BABAM2: variants seen among roughly 807,000 people sequenced by gnomAD.
BABAM2 encodes BRISC and BRCA1-A complex member 2.
In BABAM2, 31 loss-of-function variants were observed where a neutral mutation model predicts 54.7. That is an observed-to-expected ratio of 0.57 (90% CI 0.43 to 0.77). The LOEUF is 0.77. Among genes scored for constraint, BABAM2 ranks in the 30% least tolerant of loss-of-function variants. The pLI is 0.00. For synonymous variants in BABAM2, 167 were observed against 162.9 expected (o/e 1.03, Z -0.19); for missense variants, 364 against 455.8 (o/e 0.80, Z 1.83).
At chr2:28,115,182 AACACACACAC>A (rs35506654) in intron 6 of BABAM2, among the ~76,000 whole-genome samples, 17,401 of 142,274 alleles carry the variant, frequency 0.12, 1,348 homozygotes, top group African/African-American at 0.23. Flanking sequence ...ATAACTTTAA[AACACACACAC>A]ACACACACAC....
intron 8 of BABAM2, among the ~76,000 whole-genome samples, chr2:28,238,674 C>G (rs1275381811): frequency 6.6e-6 from 1 of 152,182 alleles, no homozygotes; most frequent in African/African-American, 2.4e-5. Context: ...TCCTGCAAAA[C>G]TGATCGGAGG....
In BABAM2 at chr2:27,974,111, A is replaced by G. The variant is rs192907057; in HGVS notation, c.206-13882A>G. 3.9e-5 allele frequency among the ~76,000 whole-genome samples: 6 copies of G among 152,346 alleles called. No homozygotes were observed. In the East Asian group the frequency reaches 1.2e-3, roughly 29 times the overall value. ...CAGATTATCTTGGGTGAATTCTACC[A>G]AACATTTAAGACAAAAAGTCACCAA... On this transcript the variant is annotated intron_variant, in intron 3 of 11. Coordinates refer to ENST00000379624, the MANE Select transcript of BABAM2 (RefSeq NM_199191.3).
intron 7 of BABAM2, among the ~76,000 whole-genome samples, chr2:28,230,163 G>T (rs1479387863): frequency 6.6e-6 from 1 of 152,142 alleles, no homozygotes; most frequent in Non-Finnish European, 1.5e-5. Context: ...GGTCTGAATT[G>T]ATGCTTCCAT....
At chr2:27,895,686 T>G (rs1665239905) in intron 2 of BABAM2, among the ~76,000 whole-genome samples, 1 of 152,186 alleles carries the variant, frequency 6.6e-6, no homozygotes, top group Admixed American at 6.5e-5. Context: ...CGGTTTCTCA[T>G]CATCCTTTTG....
chr2:27,895,427 G>A lies in BABAM2; in HGVS notation c.128+743G>A, dbSNP rs372974997. On this transcript the variant is annotated intron_variant, in intron 2 of 11. Coordinates refer to ENST00000379624, the MANE Select transcript of BABAM2 (RefSeq NM_199191.3). ...ATTTTGTAAAATGTGCATCCACATG[G>A]GTTTGTCTAATGTTTTCTTTTCATT... Among the ~76,000 whole-genome samples, 31 of 152,106 alleles carry A rather than the reference G, an allele frequency of 2.0e-4. No individual in the cohort carries two copies. The Middle Eastern group carries it at 0.01, about 50-fold the overall frequency.
intron 10 of BABAM2, among the ~76,000 whole-genome samples, chr2:28,266,129 C>T (rs561052633): frequency 1.8e-3 from 276 of 152,210 alleles, no homozygotes; most frequent in African/African-American, 6.5e-3. Flanking sequence ...GGATTACAGG[C>T]ACACACCACC....
At chr2:28,076,472 A>AG (rs1164552006) in intron 6 of BABAM2, among the ~76,000 whole-genome samples, 14 of 121,108 alleles carry the variant, frequency 1.2e-4, no homozygotes, top group Non-Finnish European at 1.8e-4. Context: ...TTATTTATTT[A>AG]TTTATTTATT....
intron 6 of BABAM2, among the ~76,000 whole-genome samples, chr2:28,057,849 G>A (rs1678552643): frequency 6.6e-6 from 1 of 152,100 alleles, no homozygotes; most frequent in Non-Finnish European, 1.5e-5. Flanking sequence ...TTTTGATAAA[G>A]AGAAGCTAGA....
intron 10 of BABAM2, among the ~76,000 whole-genome samples, chr2:28,293,469 G>T (rs1687450944): frequency 6.6e-6 from 1 of 152,200 alleles, no homozygotes; most frequent in African/African-American, 2.4e-5. Context: ...GTTTATCAGT[G>T]CATTCGGCTT....
intron 6 of BABAM2, among the ~76,000 whole-genome samples, chr2:28,104,611 C>T (rs935995040): frequency 5.3e-5 from 8 of 152,146 alleles, no homozygotes; most frequent in African/African-American, 1.9e-4. Flanking sequence ...CTAGTTCAAC[C>T]ATTGTGGAAG....
At chr2:28,275,741 C>A (rs890090589) in intron 10 of BABAM2, among the ~76,000 whole-genome samples, 1 of 152,134 alleles carries the variant, frequency 6.6e-6, no homozygotes, top group Non-Finnish European at 1.5e-5. Context: ...TGATATATAT[C>A]TCTTCCAACA....
chr2:28,089,489 T>G (rs2148688495), intron 6 of BABAM2, among the ~76,000 whole-genome samples: 1 of 152,340 alleles, frequency 6.6e-6, no homozygotes, highest in South Asian at 2.1e-4. Flanking sequence ...AGTCAGATTT[T>G]GGGCCAGAAC....
intron 3 of BABAM2, among the ~76,000 whole-genome samples, chr2:27,948,986 C>T (rs1669507308): frequency 6.6e-6 from 1 of 152,022 alleles, no homozygotes; most frequent in Admixed American, 6.6e-5. Context: ...AATGGTCAGC[C>T]ACAGTGTTGT....
chr2:27,903,093 A>AC (rs929889076), intron 2 of BABAM2, among the ~76,000 whole-genome samples: 32 of 115,272 alleles, frequency 2.8e-4, no homozygotes, highest in Non-Finnish European at 3.8e-4. Flanking sequence ...TGTCTCCCCC[A>AC]CCCCCCCCAC....
chr2:28,301,495 C>G (rs962389721), intron 11 of BABAM2, among the ~76,000 whole-genome samples: 2 of 152,196 alleles, frequency 1.3e-5, no homozygotes, highest in African/African-American at 4.8e-5. Flanking sequence ...CTCTCTGAAC[C>G]TCATTCCTAA....
intron 3 of BABAM2, among the ~76,000 whole-genome samples, chr2:27,957,567 C>A (rs889506807): frequency 6.6e-6 from 1 of 152,138 alleles, no homozygotes; most frequent in African/African-American, 2.4e-5. Flanking sequence ...TAAGCCTACT[C>A]TAGACAGCAC....
chr2:28,303,453 T>G (rs989140973), intron 11 of BABAM2, among the ~76,000 whole-genome samples: 1 of 152,252 alleles, frequency 6.6e-6, no homozygotes, highest in African/African-American at 2.4e-5. Context: ...CTTTCCCTGT[T>G]GAATTACCTT....
intron 3 of BABAM2, among the ~76,000 whole-genome samples, chr2:27,943,100 C>T (rs1669047895): frequency 6.6e-6 from 1 of 152,170 alleles, no homozygotes; most frequent in African/African-American, 2.4e-5. Flanking sequence ...CCATACCATA[C>T]ATTTTGAACC....
At chr2:27,952,978 G>A (rs1002887017) in intron 3 of BABAM2, among the ~76,000 whole-genome samples, 1 of 151,948 alleles carries the variant, frequency 6.6e-6, no homozygotes, top group African/African-American at 2.4e-5. Context: ...TTCTATATTG[G>A]CACGTGAAAA....
Sources: allele counts gnomAD v4.1 joint callset (sites outside exome capture counted in the v4.1 genomes callset), GRCh38; gene constraint gnomAD v4.1.1; transcripts MANE v1.5; gene names NCBI Gene and HGNC (gene_info 2026-07-23, HGNC 2026-07-21).